Variants in CDH4 observed in about 807,000 individuals in gnomAD.
CDH4 encodes the protein cadherin 4.
A neutral mutation model predicts 86.0 loss-of-function variants in CDH4; 33 were observed. That is an observed-to-expected ratio of 0.38 (90% confidence interval 0.29 to 0.51). The LOEUF (loss-of-function observed/expected upper bound fraction) is 0.51, where lower values mean the gene tolerates loss of function less well. Ranked by LOEUF, CDH4 falls within the 20% of genes least tolerant of loss-of-function variation. The pLI, the probability that CDH4 is intolerant of heterozygous loss-of-function variation, is 0.86. For missense variants in CDH4, 1,114 were observed against 1,307.4 expected, an observed-to-expected ratio of 0.85 and a Z score of 2.28; for synonymous variants, 555 against 549.4, an observed-to-expected ratio of 1.01 and a Z score of -0.14.
chr20:61,371,108 A>C (rs1197975384), intron 2 of CDH4, among the ~76,000 whole-genome samples: 1 of 152,218 alleles, frequency 6.6e-6, no homozygotes, highest in Admixed American at 6.5e-5. Flanking sequence ...TGGAGCGAGC[A>C]GGCTGGGCAC....
intron 2 of CDH4, among the ~76,000 whole-genome samples, chr20:61,600,935 G>C (rs1395695121): frequency 6.6e-6 from 1 of 152,156 alleles, no homozygotes; most frequent in African/African-American, 2.4e-5. Context: ...CTTGTTTCCA[G>C]TCCTGCCTGC....
chr20:61,790,407 T>C (rs1037159756), intron 4 of CDH4, among the ~76,000 whole-genome samples: 2 of 145,530 alleles, frequency 1.4e-5, no homozygotes, highest in African/African-American at 2.6e-5. Context: ...CATCCCCTCA[T>C]CTACCCATCT....
intron 2 of CDH4, among the ~76,000 whole-genome samples, chr20:61,451,635 G>A (rs1410400653): frequency 6.6e-6 from 1 of 152,032 alleles, no homozygotes; most frequent in Non-Finnish European, 1.5e-5. Context: ...ATACCTAGGA[G>A]AGCTGGGGTC....
intron 4 of CDH4, among the ~76,000 whole-genome samples, chr20:61,823,937 A>G (rs1422282343): frequency 6.6e-6 from 1 of 152,246 alleles, no homozygotes; most frequent in Admixed American, 6.5e-5. Context: ...GGCATGTTTT[A>G]TTGAGATTGA....
intron 7 of CDH4, among the ~76,000 whole-genome samples, chr20:61,876,471 G>A (rs183027333): frequency 6.6e-4 from 101 of 152,358 alleles, no homozygotes; most frequent in Non-Finnish European, 9.1e-4. Flanking sequence ...GGAGAACTGG[G>A]AAGGGGAAGG....
intron 2 of CDH4, among the ~76,000 whole-genome samples, chr20:61,315,341 G>T (rs1221701726): frequency 2.6e-5 from 4 of 152,180 alleles, no homozygotes. Context: ...GAGAGAAACT[G>T]GGGGACATTG....
At chr20:61,834,827 C>A (rs1052932567) in intron 4 of CDH4, among the ~76,000 whole-genome samples, 1 of 152,230 alleles carries the variant, frequency 6.6e-6, no homozygotes, top group African/African-American at 2.4e-5. Flanking sequence ...GAGTCAGAAG[C>A]AGAAGCTGCC....
At chr20:61,710,242 TC>T (rs1236518020) in intron 2 of CDH4, among the ~76,000 whole-genome samples, 1 of 152,104 alleles carries the variant, frequency 6.6e-6, no homozygotes, top group Non-Finnish European at 1.5e-5. Context: ...TGGCCAGAAG[TC>T]CCTCTGCTGG....
chr20:61,630,926 A>C (rs936891510), intron 2 of CDH4, among the ~76,000 whole-genome samples: 6 of 152,212 alleles, frequency 3.9e-5, no homozygotes, highest in East Asian at 3.9e-4. Flanking sequence ...TGAAACCCAC[A>C]GTTACTGACA....
chr20:61,707,746 G>A (rs931439580), intron 2 of CDH4, among the ~76,000 whole-genome samples: 1 of 152,192 alleles, frequency 6.6e-6, no homozygotes, highest in Admixed American at 6.5e-5. Flanking sequence ...ATCATCAGGT[G>A]TTAGAGTCTC....
At chr20:61,801,145 G>A (rs146632101) in intron 4 of CDH4, among the ~76,000 whole-genome samples, 82 of 152,296 alleles carry the variant, frequency 5.4e-4, no homozygotes, top group Admixed American at 4.2e-3. Flanking sequence ...CCTGCCTCCC[G>A]TTGGGAGGTG....
chr20:61,697,593 A>T (rs1035657028), intron 2 of CDH4, among the ~76,000 whole-genome samples: 2 of 152,064 alleles, frequency 1.3e-5, no homozygotes, highest in Non-Finnish European at 2.9e-5. Context: ...GCAAGACTCC[A>T]TCTCGGGGCG....
rs570469276 is a variant in CDH4, at chr20:61,543,470, C to T, written c.170-200093C>T. 2.2e-4 allele frequency among the ~76,000 whole-genome samples: 33 copies of T among 152,300 alleles called. 1 individual carries two copies. Among genetic ancestry groups the T allele is most frequent in the Admixed American group, 1.9e-3 (29 of 15,306 alleles). ...GTACTTGGTTGAGTGATAAAAATGT[C>T]GCTAAATTCACTAATGTCACTTAAC... On this transcript the variant is annotated intron_variant, in intron 2 of 15. Coordinates refer to ENST00000614565, the MANE Select transcript of CDH4 (RefSeq NM_001794.5).
At chr20:61,920,054 C>CGTGATTGTGTGGAAGCGTGGTGTCACG (rs2054954726) in intron 9 of CDH4, among the ~76,000 whole-genome samples, 1 of 7,786 alleles carries the variant, frequency 1.3e-4, no homozygotes, top group African/African-American at 3.3e-4. Flanking sequence ...AGCATGGTAT[C>CGTGATTGTGTGGAAGCGTGGTGTCACG]GTGATTGTGT....
intron 2 of CDH4, among the ~76,000 whole-genome samples, chr20:61,665,564 G>A (rs7264761): frequency 4.4e-4 from 67 of 152,304 alleles, no homozygotes; most frequent in African/African-American, 1.6e-3. Context: ...CCTAGTGGGT[G>A]ATAAATTCCC....
chr20:61,677,438 A>G (rs2087455389), intron 2 of CDH4, among the ~76,000 whole-genome samples: 1 of 152,172 alleles, frequency 6.6e-6, no homozygotes, highest in South Asian at 2.1e-4. Context: ...CATGCAGTTC[A>G]CTTTTACTTT....
At chr20:61,429,828 T>C (rs2085236074) in intron 2 of CDH4, among the ~76,000 whole-genome samples, 2 of 151,924 alleles carry the variant, frequency 1.3e-5, no homozygotes, top group South Asian at 4.2e-4. Flanking sequence ...GGTGGATGGA[T>C]GAGTGAATGG....
intron 2 of CDH4, among the ~76,000 whole-genome samples, chr20:61,262,183 T>C (rs2084131478): frequency 6.6e-6 from 1 of 152,176 alleles, no homozygotes; most frequent in African/African-American, 2.4e-5. Context: ...GTGCCACGAC[T>C]GTGCAGCTGG....
chr20:61,503,129 C>T (rs2085716547), intron 2 of CDH4, among the ~76,000 whole-genome samples: 1 of 152,172 alleles, frequency 6.6e-6, no homozygotes, highest in Admixed American at 6.5e-5. Flanking sequence ...GGCCCCTTGC[C>T]TGGGGTTGGG....
Sources: gnomAD v4.1 joint callset for allele counts (sites outside exome capture counted in the v4.1 genomes callset) on GRCh38, gnomAD v4.1.1 for gene constraint, MANE v1.5 for transcripts, NCBI Gene and HGNC (gene_info 2026-07-23, HGNC 2026-07-21) for gene names.